Variants in SYT14 observed in about 807,000 individuals in gnomAD.
SYT14 encodes synaptotagmin-14.
A neutral mutation model predicts 74.2 loss-of-function variants in SYT14; 32 were observed. The observed-to-expected ratio is 0.43, with a 90% CI of 0.33 to 0.58. The LOEUF is 0.58. SYT14 is among the 20% of genes least tolerant of loss of function. The pLI is 0.05. For missense variants in SYT14, 791 were observed against 981.8 expected, an observed-to-expected ratio of 0.81 and a Z score of 2.60; for synonymous variants, 298 against 337.7, an observed-to-expected ratio of 0.88 and a Z score of 1.29.
intron 2 of SYT14, among the ~76,000 whole-genome samples, chr1:209,994,449 A>AT (rs1441014199): frequency 6.6e-6 from 1 of 152,174 alleles, no homozygotes; most frequent in African/African-American, 2.4e-5. Flanking sequence ...AGAAAAAAGA[A>AT]TTTTTTAAAA....
At chr1:209,999,285 A>G (rs1210526914) in intron 2 of SYT14, among the ~76,000 whole-genome samples, 2 of 152,160 alleles carry the variant, frequency 1.3e-5, no homozygotes, top group Non-Finnish European at 2.9e-5. Context: ...AAAAGTGGGA[A>G]TTCTTATACA....
At chr1:210,134,278 A>T (rs910198597) in intron 7 of SYT14, among the ~76,000 whole-genome samples, 9 of 151,394 alleles carry the variant, frequency 5.9e-5, no homozygotes, top group Admixed American at 3.9e-4. Context: ...AATTTTTAAA[A>T]TTTTTTTTGT....
intron 1 of SYT14, among the ~76,000 whole-genome samples, chr1:209,951,906 T>G (rs762899259): frequency 6.6e-6 from 1 of 152,132 alleles, no homozygotes; most frequent in Non-Finnish European, 1.5e-5. Context: ...CAATTCCACT[T>G]GTATAAATTT....
chr1:210,069,021 T>C (rs141916467), intron 5 of SYT14, among the ~76,000 whole-genome samples: 5 of 152,026 alleles, frequency 3.3e-5, no homozygotes, highest in East Asian at 3.9e-4. Context: ...ATTGCTGTTA[T>C]GATTTTTTTC....
intron 2 of SYT14, among the ~76,000 whole-genome samples, chr1:209,966,969 T>G (rs1359782175): frequency 6.6e-6 from 1 of 152,188 alleles, no homozygotes; most frequent in East Asian, 1.9e-4. Context: ...AGTATGATGT[T>G]AGATGTTTTT....
At chr1:210,017,644 T>TC (rs1482969763) in intron 4 of SYT14, among the ~76,000 whole-genome samples, 2 of 152,190 alleles carry the variant, frequency 1.3e-5, no homozygotes, top group Non-Finnish European at 2.9e-5. Context: ...CTGTTTACAA[T>TC]AAGTATACGT....
chr1:210,066,867 T>A (rs1005425796), intron 5 of SYT14, among the ~76,000 whole-genome samples: 2 of 152,098 alleles, frequency 1.3e-5, no homozygotes, highest in Non-Finnish European at 2.9e-5. Context: ...CTGTGTTTTG[T>A]TAGTTGTATC....
At chr1:210,055,692 G>A (rs1233818327) in intron 5 of SYT14, among the ~76,000 whole-genome samples, 4 of 151,204 alleles carry the variant, frequency 2.6e-5, no homozygotes, top group East Asian at 1.9e-4. Flanking sequence ...GTATGGTGGC[G>A]TGCTTGGGAG....
intron 2 of SYT14, among the ~76,000 whole-genome samples, chr1:209,993,038 G>T (rs1328769247): frequency 2.0e-5 from 3 of 152,204 alleles, no homozygotes; most frequent in African/African-American, 7.2e-5. Flanking sequence ...CTGTGGACAT[G>T]CGAGCTGGCA....
intron 2 of SYT14, among the ~76,000 whole-genome samples, chr1:209,976,593 T>C (rs1293760851): frequency 6.6e-6 from 1 of 151,592 alleles, no homozygotes; most frequent in African/African-American, 2.4e-5. Context: ...TTCTGTTCTT[T>C]TACATTTGCT....
At chr1:210,133,730 T>A (rs1477861008) in intron 7 of SYT14, among the ~76,000 whole-genome samples, 2 of 152,156 alleles carry the variant, frequency 1.3e-5, no homozygotes, top group Admixed American at 1.3e-4. Context: ...TTTGTAAGAA[T>A]CCTAGAGCTG....
intron 2 of SYT14, among the ~76,000 whole-genome samples, chr1:209,976,484 G>T (rs1038795213): frequency 6.6e-6 from 1 of 152,054 alleles, no homozygotes; most frequent in Non-Finnish European, 1.5e-5. Context: ...TCAGGAGCAG[G>T]TTGTTCAGTT....
chr1:210,034,206 C>G (rs2080603673), intron 5 of SYT14, among the ~76,000 whole-genome samples: 1 of 151,662 alleles, frequency 6.6e-6, no homozygotes. Flanking sequence ...GAACTTAGGT[C>G]TAAGGTTAAT....
chr1:210,080,445 A>T (rs937520696), intron 5 of SYT14, among the ~76,000 whole-genome samples: 1 of 152,200 alleles, frequency 6.6e-6, no homozygotes, highest in African/African-American at 2.4e-5. Context: ...GAATAGTCAC[A>T]CCTCTTGATA....
chr1:210,103,685 G>GT (rs920999614), intron 7 of SYT14, among the ~76,000 whole-genome samples: 10 of 151,794 alleles, frequency 6.6e-5, no homozygotes, highest in African/African-American at 2.4e-4. Context: ...TGTAAACTAA[G>GT]TAAATCATCT....
At chr1:209,989,710 A>G (rs2079631157) in intron 2 of SYT14, among the ~76,000 whole-genome samples, 1 of 152,114 alleles carries the variant, frequency 6.6e-6, no homozygotes, top group South Asian at 2.1e-4. Flanking sequence ...TGAGCATGTC[A>G]GGGGAATTAT....
intron 5 of SYT14, among the ~76,000 whole-genome samples, chr1:210,078,818 C>G (rs1401393059): frequency 1.3e-5 from 2 of 151,532 alleles, no homozygotes; most frequent in Non-Finnish European, 2.9e-5. Context: ...GTTATCATGG[C>G]TCACTGTAGC....
intron 7 of SYT14, among the ~76,000 whole-genome samples, chr1:210,128,156 T>C (rs1367430175): frequency 6.6e-6 from 1 of 152,252 alleles, no homozygotes; most frequent in Admixed American, 6.5e-5. Context: ...GACGATCGCT[T>C]GAGGTCAGAA....
exon 4 of SYT14, chr1:210,016,126 C>T: frequency 8.1e-7 from 1 of 1,232,106 alleles, no homozygotes. Context: ...CTTTAACTGA[C>T]TCAGTTGCTG....
Sources: gnomAD v4.1 joint callset for allele counts (sites outside exome capture counted in the v4.1 genomes callset) on GRCh38, gnomAD v4.1.1 for gene constraint, MANE v1.5 for transcripts, NCBI Gene and HGNC (gene_info 2026-07-23, HGNC 2026-07-21) for gene names.